The following NLGN1 variants were observed in gnomAD, a reference collection of about 807,000 sequenced individuals.
The protein encoded by NLGN1 is neuroligin-1.
A neutral mutation model predicts 65.5 loss-of-function variants in NLGN1; 12 were observed. The ratio of observed to expected loss-of-function variants is 0.18; its 90% CI spans 0.12 to 0.30. The LOEUF is 0.30. NLGN1 is among the 10% of genes least tolerant of loss of function. The pLI is 1.00. For synonymous variants in NLGN1, 350 were observed against 359.5 expected (o/e 0.97, Z 0.30); for missense variants, 750 against 1,007.1 (o/e 0.74, Z 3.46).
chr3:174,176,894 C>G (rs1437065911), intron 4 of NLGN1, among the ~76,000 whole-genome samples: 1 of 151,500 alleles, frequency 6.6e-6, no homozygotes, highest in African/African-American at 2.4e-5. Flanking sequence ...GGGGCTGCCT[C>G]AATTTTAATG....
chr3:174,259,934 G>A (rs1418497431), intron 4 of NLGN1, among the ~76,000 whole-genome samples: 3 of 142,110 alleles, frequency 2.1e-5, no homozygotes, highest in Non-Finnish European at 4.7e-5. Flanking sequence ...AATATACGGT[G>A]TTTGGTTTTT....
intron 2 of NLGN1, among the ~76,000 whole-genome samples, 191 bp from the exon 2 acceptor site, chr3:173,604,088 C>T (rs1750987404): frequency 6.6e-6 from 1 of 152,112 alleles, no homozygotes; most frequent in Non-Finnish European, 1.5e-5. Flanking sequence ...TCAGCAGATG[C>T]ATTTCTCAAT....
At chr3:174,171,807 C>T (rs1265957985) in intron 4 of NLGN1, among the ~76,000 whole-genome samples, 3 of 152,130 alleles carry the variant, frequency 2.0e-5, no homozygotes, top group Non-Finnish European at 4.4e-5. Flanking sequence ...TTTCCCACCT[C>T]TCACCCCAAG....
chr3:174,107,543 G>A (rs1195144857), intron 4 of NLGN1, among the ~76,000 whole-genome samples: 1 of 152,066 alleles, frequency 6.6e-6, no homozygotes, highest in Admixed American at 6.6e-5. Flanking sequence ...ACCCACTGAA[G>A]GACATTTAAA....
downstream of NLGN1, among the ~76,000 whole-genome samples, chr3:174,287,464 G>A (rs970039754): frequency 6.6e-6 from 1 of 151,340 alleles, no homozygotes; most frequent in East Asian, 1.9e-4. Context: ...TTCCATAAAA[G>A]GGTTTTGATG....
chr3:173,991,923 G>A (rs370719435), intron 4 of NLGN1, among the ~76,000 whole-genome samples: 9 of 152,046 alleles, frequency 5.9e-5, no homozygotes, highest in Middle Eastern at 3.4e-3. Context: ...AGCGATTCTC[G>A]TTCTAGCAAT....
At chr3:173,728,928 G>T (rs1271040115) in intron 3 of NLGN1, among the ~76,000 whole-genome samples, 1 of 152,012 alleles carries the variant, frequency 6.6e-6, no homozygotes, top group Non-Finnish European at 1.5e-5. Flanking sequence ...GTGGTAATTT[G>T]TTCCTGTAGC....
intron 4 of NLGN1, among the ~76,000 whole-genome samples, chr3:173,955,944 T>A (rs1044154653): frequency 4.6e-5 from 7 of 152,098 alleles, no homozygotes; most frequent in South Asian, 2.1e-4. Flanking sequence ...TACATATAGT[T>A]TAACGTGAAA....
Position 173,906,312 on chromosome 3 carries a change from G to A in NLGN1, c.646+98480G>A, listed in dbSNP as rs374353444. Among the ~76,000 whole-genome samples, 16 of 152,208 alleles carry A rather than the reference G, an allele frequency of 1.1e-4. No individual in the cohort carries two copies. The East Asian group carries it at 1.9e-3, about 18-fold the overall frequency. On this transcript the variant is annotated intron_variant, in intron 4 of 6. Transcript: ENST00000457714. Reference sequence around the variant, plus strand: ...TCCCTGTCCCACTGACTTGCTGTATGTATATCTTACTCTACTGAAATCTGA... The same window carrying A: ...TCCCTGTCCCACTGACTTGCTGTATATATATCTTACTCTACTGAAATCTGA...
chr3:173,893,516 A>C lies in NLGN1; in HGVS notation c.646+85684A>C, dbSNP rs756006651. Among the ~76,000 whole-genome samples the C allele has an allele frequency of 1.3e-5, 2 of 152,182 alleles. 1 individual carries two copies. Among genetic ancestry groups the C allele is most frequent in the Non-Finnish European group, 2.9e-5 (2 of 68,030 alleles). On this transcript the variant is annotated intron_variant, in intron 4 of 6. Coordinates refer to ENST00000457714, the Ensembl canonical transcript of NLGN1. ...ACACACGTATTAAGACACAGGAAAAATTAGCTACACTGATGACCATGATGA... is the reference window on the plus strand; with the variant it reads ...ACACACGTATTAAGACACAGGAAAACTTAGCTACACTGATGACCATGATGA...
intron 4 of NLGN1, among the ~76,000 whole-genome samples, chr3:173,808,096 T>C (rs1015958733): frequency 3.3e-5 from 5 of 152,196 alleles, no homozygotes; most frequent in Admixed American, 1.3e-4. Flanking sequence ...CAGGGCCTTA[T>C]TGAAGAAGAG....
intron 4 of NLGN1, among the ~76,000 whole-genome samples, chr3:173,913,903 T>A (rs568206021): frequency 2.4e-4 from 37 of 152,150 alleles, no homozygotes; most frequent in Non-Finnish European, 4.4e-4. Context: ...GGAAATTCTG[T>A]TAGTCATTAT....
At chr3:173,961,336 G>T (rs142189880) in intron 4 of NLGN1, among the ~76,000 whole-genome samples, 1 of 151,950 alleles carries the variant, frequency 6.6e-6, no homozygotes, top group Non-Finnish European at 1.5e-5. Flanking sequence ...CAGAACATAC[G>T]CTGAGGACAT....
chr3:173,991,157 A>T (rs1331664644), intron 4 of NLGN1, among the ~76,000 whole-genome samples: 2 of 152,148 alleles, frequency 1.3e-5, no homozygotes, highest in Non-Finnish European at 2.9e-5. Flanking sequence ...CAGTCTGCTA[A>T]TATCATATAG....
intron 4 of NLGN1, among the ~76,000 whole-genome samples, chr3:174,182,256 G>A (rs1421430): frequency 0.1 from 15,191 of 151,712 alleles, 1,548 homozygotes; most frequent in African/African-American, 0.26. Flanking sequence ...CTCTTAACTC[G>A]TCTCCCAGTT....
chr3:173,467,864 C>T (rs1724636954), intron 2 of NLGN1, among the ~76,000 whole-genome samples: 1 of 152,046 alleles, frequency 6.6e-6, no homozygotes, highest in Non-Finnish European at 1.5e-5. Context: ...CCTTAGAATC[C>T]TTGCTTCAAA....
chr3:173,994,021 C>T (rs1334551677), intron 4 of NLGN1, among the ~76,000 whole-genome samples: 1 of 151,906 alleles, frequency 6.6e-6, no homozygotes, highest in Non-Finnish European at 1.5e-5. Flanking sequence ...CCAGATCAAT[C>T]AATATAAGTA....
At chr3:173,598,470 T>A (rs755972454) in intron 2 of NLGN1, among the ~76,000 whole-genome samples, 11 of 152,286 alleles carry the variant, frequency 7.2e-5, no homozygotes, top group Middle Eastern at 3.4e-3. Flanking sequence ...GCTTTAGAGA[T>A]CTCTGCCCCA....
chr3:173,486,598 A>G (rs1388963915), intron 2 of NLGN1, among the ~76,000 whole-genome samples: 1 of 152,176 alleles, frequency 6.6e-6, no homozygotes, highest in Non-Finnish European at 1.5e-5. Flanking sequence ...TTCTGTGGAT[A>G]TCAGAACTAG....
Sources: gnomAD v4.1 joint callset for allele counts (sites outside exome capture counted in the v4.1 genomes callset) on GRCh38, gnomAD v4.1.1 for gene constraint, MANE v1.5 for transcripts, NCBI Gene and HGNC (gene_info 2026-07-23, HGNC 2026-07-21) for gene names.